Variants in TAFA1 observed in about 807,000 individuals in gnomAD.
The protein encoded by TAFA1 is chemokine-like protein TAFA-1.
Under a neutral mutation model 18.5 loss-of-function variants are expected in TAFA1, and 4 were observed. The ratio of observed to expected loss-of-function variants is 0.22; its 90% CI spans 0.11 to 0.49. The LOEUF (loss-of-function observed/expected upper bound fraction) is 0.49. Ranked by LOEUF, TAFA1 falls within the 20% of genes least tolerant of loss-of-function variation. The pLI is 0.98. For missense variants in TAFA1, 147 were observed against 169.0 expected (o/e 0.87, Z 0.72); for synonymous variants, 56 against 55.2 (o/e 1.01, Z -0.06).
At chr3:68,270,545 G>C (rs1200294912) in intron 2 of TAFA1, among the ~76,000 whole-genome samples, 3 of 152,250 alleles carry the variant, frequency 2.0e-5, no homozygotes, top group African/African-American at 7.2e-5. Context: ...TTTGGGATTT[G>C]CTTATTGTTA....
chr3:68,454,031 C>A (rs995504395), intron 3 of TAFA1, among the ~76,000 whole-genome samples: 1 of 152,172 alleles, frequency 6.6e-6, no homozygotes, highest in African/African-American at 2.4e-5. Context: ...AACAGATGTT[C>A]TGTACCAATG....
intron 2 of TAFA1, among the ~76,000 whole-genome samples, chr3:68,176,747 T>A (rs1181352767): frequency 2.0e-5 from 3 of 152,172 alleles, no homozygotes; most frequent in Non-Finnish European, 4.4e-5. Flanking sequence ...CCACATAAAA[T>A]AGCAAAGAGT....
At chr3:68,104,040 C>G (rs887492780) in intron 2 of TAFA1, among the ~76,000 whole-genome samples, 5 of 152,066 alleles carry the variant, frequency 3.3e-5, no homozygotes, top group African/African-American at 1.2e-4. Context: ...TTATGTGTCT[C>G]CAGTGCATCA....
intron 2 of TAFA1, among the ~76,000 whole-genome samples, chr3:68,115,026 A>G (rs7627263): frequency 0.043 from 6,593 of 152,302 alleles, 451 homozygotes; most frequent in African/African-American, 0.15. Flanking sequence ...TATAGTTCAT[A>G]GAAGACAAAT....
chr3:68,145,657 C>T (rs2065730411), intron 2 of TAFA1: 4 of 1,043,204 alleles, frequency 3.8e-6, no homozygotes, highest in Non-Finnish European at 4.5e-6. Context: ...GTTCAAGATT[C>T]ATCTTCAGAA....
intron 3 of TAFA1, among the ~76,000 whole-genome samples, chr3:68,526,082 G>A (rs2073107834): frequency 6.6e-6 from 1 of 152,136 alleles, no homozygotes; most frequent in Admixed American, 6.5e-5. Context: ...TCAGAGTTAA[G>A]AGACACTTCT....
chr3:68,196,691 T>TG (rs1169983571), intron 2 of TAFA1, among the ~76,000 whole-genome samples: 1 of 151,746 alleles, frequency 6.6e-6, no homozygotes, highest in African/African-American at 2.4e-5. Context: ...CTGTTGTTAG[T>TG]GCTCCCTGCC....
chr3:68,452,978 C>T (rs1210326902), intron 3 of TAFA1, among the ~76,000 whole-genome samples: 1 of 152,110 alleles, frequency 6.6e-6, no homozygotes, highest in Non-Finnish European at 1.5e-5. Flanking sequence ...CTCATCTACT[C>T]GCCTCTTTGA....
intron 2 of TAFA1, among the ~76,000 whole-genome samples, chr3:68,009,150 A>T (rs1704422348): frequency 6.6e-6 from 1 of 152,118 alleles, no homozygotes; most frequent in African/African-American, 2.4e-5. Flanking sequence ...TGTTTTGTTA[A>T]CCATGTGGTA....
chr3:68,164,755 G>A (rs1376878707), intron 2 of TAFA1, among the ~76,000 whole-genome samples: 1 of 151,868 alleles, frequency 6.6e-6, no homozygotes, highest in Non-Finnish European at 1.5e-5. Flanking sequence ...TATCTATGAT[G>A]TATTTTTCCT....
At chr3:68,090,799 C>T (rs12497016) in intron 2 of TAFA1, among the ~76,000 whole-genome samples, 3,618 of 152,230 alleles carry the variant, frequency 0.024, 219 homozygotes, top group South Asian at 0.17. Flanking sequence ...TTCTGAAAGA[C>T]GGGTCAGAGA....
intron 2 of TAFA1, among the ~76,000 whole-genome samples, chr3:68,092,335 G>T (rs1179241537): frequency 6.6e-6 from 1 of 152,012 alleles, no homozygotes; most frequent in Non-Finnish European, 1.5e-5. Flanking sequence ...GAGGAAAATA[G>T]CTCAGTCAAC....
intron 3 of TAFA1, among the ~76,000 whole-genome samples, chr3:68,487,850 C>G (rs1014564342): frequency 6.9e-6 from 1 of 144,854 alleles, no homozygotes; most frequent in Non-Finnish European, 1.5e-5. Context: ...ACACATTCAT[C>G]ATATTGAAAC....
At chr3:68,044,308 T>G (rs1177997360) in intron 2 of TAFA1, among the ~76,000 whole-genome samples, 1 of 152,228 alleles carries the variant, frequency 6.6e-6, no homozygotes, top group Non-Finnish European at 1.5e-5. Context: ...GGGACTTTTG[T>G]TCTTTTATGG....
At chr3:68,159,376 C>T (rs1349538463) in intron 2 of TAFA1, among the ~76,000 whole-genome samples, 2 of 152,084 alleles carry the variant, frequency 1.3e-5, no homozygotes, top group African/African-American at 4.8e-5. Flanking sequence ...AATAGTTCTT[C>T]GTGGTATTAA....
intron 2 of TAFA1, among the ~76,000 whole-genome samples, chr3:68,140,754 T>G (rs1351316710): frequency 6.6e-6 from 1 of 152,228 alleles, no homozygotes; most frequent in Non-Finnish European, 1.5e-5. Context: ...TAGTCAGTAT[T>G]AAACTTATCT....
At chr3:68,525,039 G>C (rs976112843) in intron 3 of TAFA1, among the ~76,000 whole-genome samples, 1 of 152,064 alleles carries the variant, frequency 6.6e-6, no homozygotes, top group Non-Finnish European at 1.5e-5. Flanking sequence ...TAAATATATA[G>C]CCATAAATAC....
chr3:68,393,507 T>C (rs1353097018), intron 2 of TAFA1, among the ~76,000 whole-genome samples: 1 of 152,162 alleles, frequency 6.6e-6, no homozygotes, highest in African/African-American at 2.4e-5. Context: ...CCCTAAGTTA[T>C]TTTATGAGGC....
At chr3:68,260,518 T>C (rs938975138) in intron 2 of TAFA1, among the ~76,000 whole-genome samples, 2 of 152,120 alleles carry the variant, frequency 1.3e-5, no homozygotes, top group Non-Finnish European at 2.9e-5. Context: ...GAAATCAAAC[T>C]ATACTACAAG....
Sources: allele counts gnomAD v4.1 joint callset (sites outside exome capture counted in the v4.1 genomes callset), GRCh38; gene constraint gnomAD v4.1.1; transcripts MANE v1.5; gene names NCBI Gene and HGNC (gene_info 2026-07-23, HGNC 2026-07-21).